Variants in INTS2 observed in about 807,000 individuals in gnomAD.
INTS2 encodes integrator complex subunit 2.
In INTS2, 57 loss-of-function variants were observed where a neutral mutation model predicts 139.6. The ratio of observed to expected loss-of-function variants is 0.41; its 90% confidence interval spans 0.33 to 0.51. The LOEUF (loss-of-function observed/expected upper bound fraction) is 0.51. Among genes scored for constraint, INTS2 ranks in the 20% least tolerant of loss-of-function variants. INTS2 has a pLI of 0.28. For missense variants in INTS2, 1,196 were observed against 1,436.7 expected, an observed-to-expected ratio of 0.83 and a Z score of 2.71; for synonymous variants, 473 against 493.4, an observed-to-expected ratio of 0.96 and a Z score of 0.55.
At chr17:61,922,511 C>CATATATATATAT (rs60100593) in intron 3 of INTS2, among the ~76,000 whole-genome samples, 3,514 of 71,960 alleles carry the variant, frequency 0.049, 302 homozygotes, top group Non-Finnish European at 0.072. Context: ...AACAAACAAA[C>CATATATATATAT]ATATATATAT....
chr17:61,907,167 T>G (rs147949856), intron 8 of INTS2, among the ~76,000 whole-genome samples: 1 of 152,084 alleles, frequency 6.6e-6, no homozygotes, highest in Admixed American at 6.6e-5. Context: ...TGGAAATTGA[T>G]AAACTGCTCT....
chr17:61,878,004 GGTATAA>G lies in INTS2; in HGVS notation c.2333_2338del (p.Leu778_Ile779del). ...ATTGGATGTTAACACTTCCGCATAT[GGTATAA>G]GTTCACTGGCAGAGAGTAGAGTCAA... On this transcript the variant is annotated inframe_deletion, in exon 18 of 25. Transcript: ENST00000251334. 1 of 1,612,080 alleles carries G rather than the reference GGTATAA, an allele frequency of 6.2e-7. No homozygotes were observed.
intron 1 of INTS2, chr17:61,926,998 C>T (rs965212403): frequency 5.5e-5 from 17 of 308,080 alleles, no homozygotes; most frequent in Non-Finnish European, 1.9e-5. Context: ...AAGGCTGAAT[C>T]CTCATCTACT....
chr17:61,912,844 G>T (rs899818556), intron 5 of INTS2, among the ~76,000 whole-genome samples: 3 of 151,992 alleles, frequency 2.0e-5, no homozygotes, highest in African/African-American at 7.2e-5. Context: ...TTGGGAGGCC[G>T]AGGTGAGTGG....
rs2079127125 is a variant in INTS2 at position 61,876,413 on chromosome 17, T to A, written c.2457-1375A>T. On this transcript the variant is annotated intron_variant, in intron 18 of 24. Coordinates refer to ENST00000251334, the MANE Select transcript of INTS2 (RefSeq NM_001351695.2). The surrounding 1 kb of genome is among the most constrained non-coding windows in gnomAD (Gnocchi z 4.1). Reference sequence around the variant, plus strand: ...TAGCAATTTGTCCCAGATGGGAACATGAAGACAGAAAGCTCTGAAAGGAAT... The same window carrying A: ...TAGCAATTTGTCCCAGATGGGAACAAGAAGACAGAAAGCTCTGAAAGGAAT... Among the ~76,000 whole-genome samples, 6 of 151,064 alleles carry A rather than the reference T, an allele frequency of 4.0e-5. No individual in the cohort carries two copies. The highest frequency in any genetic ancestry group is 4.0e-4 in the Admixed American group (6 of 15,168).
chr17:61,882,865 C>T lies in INTS2; in HGVS notation c.2090-1694G>A, dbSNP rs891172418. On this transcript the variant is annotated intron_variant, in intron 16 of 24. Coordinates refer to ENST00000251334, the MANE Select transcript of INTS2 (RefSeq NM_001351695.2). This position sits in a 1 kb window ranked among gnomAD's most constrained non-coding sequence, Gnocchi z 4.7. ...TATTATCATCATAACAGTAAGACTA[C>T]GCAGTAGTAGTAGGAATCAAAGTAC... 4.6e-5 allele frequency among the ~76,000 whole-genome samples: 7 copies of T among 152,142 alleles called. No individual in the cohort carries two copies. The highest frequency in any genetic ancestry group is 2.1e-4 in the South Asian group (1 of 4,830).
At chr17:61,885,061 T>G (rs2079213745) in intron 15 of INTS2, 56 bp from the exon 16 acceptor site, 1 of 1,224,470 alleles carries the variant, frequency 8.2e-7, no homozygotes, top group Non-Finnish European at 1.2e-6. Context: ...ACAGAAATCT[T>G]AACCTTCAAC....
rs190687646 is a variant in INTS2, at chr17:61,865,381, A to G, written c.*2176T>C. On this transcript the variant is annotated 3_prime_UTR_variant, in exon 25 of 25. Coordinates refer to ENST00000251334, the MANE Select transcript of INTS2 (RefSeq NM_001351695.2). This position sits in a 1 kb window ranked among gnomAD's most constrained non-coding sequence, Gnocchi z 4.8. ...AAAACTACAGGTTCGTTTGATAAAG[A>G]ATATGAATGTTTATAAACCAATATT... The G allele has an allele frequency of 1.3e-5, 2 of 152,772 alleles. No individual in the cohort carries two copies. The highest frequency in any genetic ancestry group is 4.8e-5 in the African/African-American group (2 of 41,586). The allele number at this position is 152,772 out of a possible 1,614,324, so 9.5% of individuals were successfully genotyped here.
chr17:61,919,498 A>G lies in INTS2; in HGVS notation c.551T>C (p.Leu184Pro). The G allele has an allele frequency of 6.3e-7, 1 of 1,583,874 alleles. No individual in the cohort carries two copies. The highest frequency in any genetic ancestry group is 2.3e-5 in the East Asian group (1 of 44,370). The change falls in exon 5 of 25, where the codon CTC becomes CCC. Residue 184 changes from leucine to proline, a missense_variant. Around this residue, in one of 3 missense-constraint regions of INTS2, gnomAD observed 1,129 missense variants for 1,341.9 expected, o/e 0.84. Coordinates refer to ENST00000251334, the MANE Select transcript of INTS2 (RefSeq NM_001351695.2). ...CILQAELPSL[L>P]PIVDVAEALL... is the part of the protein sequence containing the mutation. ...AGCTTCAGCTACATCAACTATAGGG[A>G]GCAAGGAAGGGAGCTCTACAAGAAA...
chr17:61,904,625 G>C (rs779750291), intron 8 of INTS2, 40 bp from the exon 9 acceptor site: 4 of 1,510,660 alleles, frequency 2.6e-6, no homozygotes, highest in Non-Finnish European at 3.6e-6. Flanking sequence ...ATTTTTAGTT[G>C]GGATGAAGAA....
At chr17:61,926,992 C>T (rs1409058739) in intron 1 of INTS2, 4 of 321,768 alleles carry the variant, frequency 1.2e-5, no homozygotes, top group Non-Finnish European at 2.4e-5. Context: ...CAATCCAAGG[C>T]TGAATCCTCA....
intron 5 of INTS2, among the ~76,000 whole-genome samples, chr17:61,915,345 T>TAAAA (rs2079570008): frequency 9.9e-6 from 1 of 100,714 alleles, no homozygotes; most frequent in African/African-American, 3.2e-5. Flanking sequence ...CTCAAAAAAA[T>TAAAA]AAATAAATAA....
intron 5 of INTS2, among the ~76,000 whole-genome samples, chr17:61,913,003 G>A (rs2079543505): frequency 6.6e-6 from 1 of 151,168 alleles, no homozygotes; most frequent in South Asian, 2.1e-4. Flanking sequence ...TTGAACCCGG[G>A]AGGTGGAAGT....
Position 61,869,641 on chromosome 17 carries a change from T to C in INTS2, c.3030+96A>G, listed in dbSNP as rs1226839074. The C allele has an allele frequency of 1.4e-6, 2 of 1,389,234 alleles. No homozygotes were observed. Among genetic ancestry groups the C allele is most frequent in the East Asian group, 4.6e-5 (2 of 43,436 alleles). 86.1% of individuals were successfully genotyped at this position (1,389,234 alleles called of 1,614,324 possible). A position where few individuals can be genotyped will look rare whatever the true frequency, so the allele number is the denominator to read the frequency against. On this transcript the variant is annotated intron_variant, in intron 21 of 24. Transcript: ENST00000251334. The surrounding 1 kb of genome is among the most constrained non-coding windows in gnomAD (Gnocchi z 5.4). The stretch of plus-strand genomic sequence containing the variant: ...GCAAAAGCCCATGGATCATTTGTGT[T>C]TTCTCTGGTTTCTAAATGATCCCTG...
chr17:61,885,325 C>T (rs111393313), intron 15 of INTS2: 3 of 332,748 alleles, frequency 9.0e-6, no homozygotes. Flanking sequence ...TTTTCCAAAA[C>T]CTAATGACAA....
chr17:61,892,047 T>G (rs1003342201), intron 13 of INTS2, among the ~76,000 whole-genome samples: 1 of 151,916 alleles, frequency 6.6e-6, no homozygotes, highest in Non-Finnish European at 1.5e-5. Flanking sequence ...GAGAGAGAGA[T>G]AGGTCCTTCA....
At position 61,911,559 on chromosome 17, in the gene INTS2, G is replaced by T; in HGVS notation, c.915C>A (p.Val305=). Residue 305 remains valine, a synonymous_variant, in exon 7 of 25, where the codon GTC becomes GTA. Transcript: ENST00000251334. ...SGLLLGTNAK[V]RTWFGTFIRN... is the part of the protein sequence containing the mutation. ...GGATAAAAGTTCCAAACCAAGTCCG[G>T]ACTTTCGCATTTGTTCCAAGAAGCA... The T allele has an allele frequency of 3.7e-6, 6 of 1,613,928 alleles. No homozygotes were observed. Among genetic ancestry groups the T allele is most frequent in the African/African-American group, 1.3e-5 (1 of 75,016 alleles).
chr17:61,904,180 G>A lies in INTS2; in HGVS notation c.1307+280C>T, dbSNP rs189372508. The stretch of plus-strand genomic sequence containing the variant: ...TAAGCTGGGCCAGTGGCATACACCT[G>A]CAGTCCCAGCTACTTGGGAGGCTGA... On this transcript the variant is annotated intron_variant, in intron 9 of 24. Coordinates refer to ENST00000251334, the MANE Select transcript of INTS2 (RefSeq NM_001351695.2). 3.6e-4 allele frequency among the ~76,000 whole-genome samples: 55 copies of A among 152,284 alleles called. 1 individual carries two copies. Among genetic ancestry groups the A allele is most frequent in the African/African-American group, 1.3e-3 (52 of 41,562 alleles).
chr17:61,923,350 A>G (rs931049732), intron 3 of INTS2, among the ~76,000 whole-genome samples: 7 of 150,610 alleles, frequency 4.6e-5, no homozygotes, highest in Non-Finnish European at 8.9e-5. Flanking sequence ...GGTGGCGGGC[A>G]CCTGTAGTCC....
Sources: gnomAD v4.1 joint callset for allele counts (sites outside exome capture counted in the v4.1 genomes callset) on GRCh38, gnomAD v4.1.1 for gene constraint, gnomAD v4.1.1 regional missense constraint, Gnocchi (gnomAD v3.1) non-coding constraint, MANE v1.5 for transcripts, NCBI Gene and HGNC (gene_info 2026-07-23, HGNC 2026-07-21) for gene names.